ANKS3: variants seen among roughly 807,000 people sequenced by gnomAD.
ANKS3 encodes ankyrin repeat and SAM domain-containing protein 3.
ANKS3 carries 62 observed loss-of-function variants against 80.7 expected under a neutral mutation model. The observed-to-expected ratio is 0.77, with a 90% CI of 0.63 to 0.95. The LOEUF (loss-of-function observed/expected upper bound fraction) is 0.95, where lower values mean the gene tolerates loss of function less well. Among genes scored for constraint, ANKS3 ranks in the 40% least tolerant of loss-of-function variants. The pLI is 0.00. For missense variants in ANKS3, 1,150 were observed against 883.6 expected (o/e 1.30, Z -3.82); for synonymous variants, 489 against 355.3 (o/e 1.38, Z -4.23).
intron 1 of ANKS3, among the ~76,000 whole-genome samples, chr16:4,732,857 G>A (rs2081720937): frequency 1.3e-5 from 2 of 152,050 alleles, no homozygotes; most frequent in South Asian, 2.1e-4. Flanking sequence ...AGAAAATGTG[G>A]TACTTAGACA....
At chr16:4,699,623 G>C in intron 11 of ANKS3, 1 of 191,336 alleles carries the variant, frequency 5.2e-6, no homozygotes, top group Non-Finnish European at 1.1e-5. Flanking sequence ...CCGTGTTTCT[G>C]ATCCACTGAG....
chr16:4,701,155 C>T (rs1369649073), intron 10 of ANKS3, 21 bp from the exon 11 acceptor site: 1 of 1,613,344 alleles, frequency 6.2e-7, no homozygotes, highest in Non-Finnish European at 8.5e-7. Context: ...AGGCGTGCAT[C>T]TGAAAGAGTG....
chr16:4,727,249 G>C (rs2081402293), intron 3 of ANKS3, 72 bp from the exon 4 acceptor site: 3 of 1,502,704 alleles, frequency 2.0e-6, no homozygotes, highest in Non-Finnish European at 1.8e-6. Context: ...CTGGTGGCGA[G>C]GCTAGGCCAG....
chr16:4,701,171 G>A (rs749910201), intron 10 of ANKS3, 37 bp from the exon 11 acceptor site: 57 of 1,611,956 alleles, frequency 3.5e-5, no homozygotes, highest in Non-Finnish European at 4.7e-5. Flanking sequence ...GAGTGCGCGG[G>A]CTAACTTGAG....
chr16:4,701,291 A>G (rs1480758359), intron 10 of ANKS3, 143 bp downstream of exon 10: 3 of 1,369,706 alleles, frequency 2.2e-6, no homozygotes, highest in African/African-American at 1.4e-5. Flanking sequence ...GAGAAGCCAG[A>G]CCCTGGACAC....
At chr16:4,706,996 G>A (rs757335297) in intron 7 of ANKS3, among the ~76,000 whole-genome samples, 8 of 152,270 alleles carry the variant, frequency 5.3e-5, no homozygotes, top group East Asian at 1.9e-4. Flanking sequence ...AAGCTCTGGC[G>A]ACTGAGCTAG....
At chr16:4,727,396 G>T (rs1398822715) in intron 3 of ANKS3, 4 of 598,976 alleles carry the variant, frequency 6.7e-6, no homozygotes, top group Non-Finnish European at 1.2e-5. Flanking sequence ...TCCTTGCTCT[G>T]ATTTCGCATC....
rs370047465 is a variant in ANKS3, at chr16:4,697,660, G to C, written c.1811-244C>G. Among the ~76,000 whole-genome samples, 6 of 152,332 alleles carry C rather than the reference G, an allele frequency of 3.9e-5. No individual in the cohort carries two copies. In the South Asian group the frequency reaches 1.2e-3, roughly 32 times the overall value. ...GAGAAGGCAAAGCTCTGCCGGTGGG[G>C]ACCCGGGTCTGGGCCCTGGCTGGAG... On this transcript the variant is annotated intron_variant, in intron 15 of 17. Transcript: ENST00000304283.
In ANKS3 at chr16:4,702,174, G is replaced by C; in HGVS notation, c.937C>G (p.Leu313Val). 1 of 1,594,104 alleles carries C rather than the reference G, an allele frequency of 6.3e-7. No homozygotes were observed. Among genetic ancestry groups the C allele is most frequent in the Non-Finnish European group, 8.5e-7 (1 of 1,171,392 alleles). The change falls in exon 9 of 18, where the codon CTC becomes GTC. Residue 313 changes from leucine to valine, a missense_variant. Leu to Val is a conservative substitution (Grantham distance 32). Transcript: ENST00000304283. ...GGGGAGGTGACATCCCGGCAGCAGA[G>C]GCCCTCTTCTTCCAGGGGGTTCTCG... Reference protein sequence around the residue: ...SGENPLEEEGLCCRDVTSPIN... With the variant: ...SGENPLEEEGVCCRDVTSPIN...
chr16:4,725,400 T>C (rs964184870), intron 5 of ANKS3, among the ~76,000 whole-genome samples: 2 of 152,212 alleles, frequency 1.3e-5, no homozygotes, highest in Non-Finnish European at 2.9e-5. Flanking sequence ...CTGGTTTTCA[T>C]CCATCTTAAG....
intron 2 of ANKS3, 74 bp from the exon 3 acceptor site, chr16:4,730,225 C>A: frequency 1.5e-6 from 2 of 1,347,486 alleles, no homozygotes. Flanking sequence ...TGGTCCTGCC[C>A]CTGCTACACC....
chr16:4,733,891 CTCACTGGCCCCGGGGCGGGT>C (rs2081804964), intron 1 of ANKS3, 27 bp downstream of exon 1: 1 of 983,838 alleles, frequency 1.0e-6, no homozygotes, highest in South Asian at 4.7e-5. Flanking sequence ...GCAAAGGTAG[CTCACTGGCCCCGGGGCGGGT>C]CCCTGGCCGA....
intron 6 of ANKS3, among the ~76,000 whole-genome samples, chr16:4,721,590 G>A (rs971788402): frequency 2.7e-5 from 4 of 150,466 alleles, no homozygotes; most frequent in African/African-American, 9.7e-5. Flanking sequence ...CAGCCTGAGG[G>A]ACAGAGCAAG....
chr16:4,714,006 G>A (rs1340777875), intron 7 of ANKS3, 45 bp downstream of exon 7: 9 of 1,604,542 alleles, frequency 5.6e-6, no homozygotes, highest in African/African-American at 1.3e-5. Context: ...TAAAGCTCAA[G>A]GCAACCAGAG....
chr16:4,730,209 A>G lies in ANKS3; in HGVS notation c.-2-58T>C, dbSNP rs553482692. ...CTGGCTGGTTGTTCCAGGGCATGAAACAGGCTGGTCCTGCCCCTGCTACAC... is the reference window on the plus strand; with the variant it reads ...CTGGCTGGTTGTTCCAGGGCATGAAGCAGGCTGGTCCTGCCCCTGCTACAC... On this transcript the variant is annotated intron_variant, in intron 2 of 17. Coordinates refer to ENST00000304283, the MANE Select transcript of ANKS3 (RefSeq NM_133450.4). 154 of 1,419,382 alleles carry G rather than the reference A, an allele frequency of 1.1e-4. 3 individuals are homozygous for G. In the East Asian group the frequency reaches 4.0e-3, roughly 37 times the overall value. The allele number at this position is 1,419,382 out of a possible 1,614,324, so 87.9% of individuals were successfully genotyped here. A position where few individuals can be genotyped will look rare whatever the true frequency, so the allele number is the denominator to read the frequency against.
chr16:4,727,446 G>A (rs1344322466), intron 3 of ANKS3: 2 of 535,472 alleles, frequency 3.7e-6, no homozygotes, highest in African/African-American at 3.8e-5. Flanking sequence ...CACACCACCA[G>A]ATAGGCAGAT....
chr16:4,705,763 A>T (rs895245394), intron 7 of ANKS3, among the ~76,000 whole-genome samples: 1 of 151,930 alleles, frequency 6.6e-6, no homozygotes, highest in African/African-American at 2.4e-5. Context: ...CCCAGCCAGG[A>T]GTTTATTATC....
chr16:4,724,882 G>A, intron 5 of ANKS3, 51 bp from the exon 6 acceptor site: 1 of 1,559,558 alleles, frequency 6.4e-7, no homozygotes, highest in South Asian at 1.1e-5. Context: ...AGTTCCGCCA[G>A]GCAAAAACTC....
chr16:4,729,191 T>C (rs1437728600), intron 3 of ANKS3, among the ~76,000 whole-genome samples: 2 of 152,216 alleles, frequency 1.3e-5, no homozygotes, highest in Admixed American at 6.5e-5. Flanking sequence ...TCTCTAACTA[T>C]TGTACACAGA....
Sources: gnomAD v4.1 joint callset for allele counts (sites outside exome capture counted in the v4.1 genomes callset) on GRCh38, gnomAD v4.1.1 for gene constraint, MANE v1.5 for transcripts, NCBI Gene and HGNC (gene_info 2026-07-23, HGNC 2026-07-21) for gene names.